Variants in ANKMY2 observed in about 807,000 individuals in gnomAD.
The protein encoded by ANKMY2 is ankyrin repeat and MYND domain containing 2, also known as ankyrin repeat and MYND domain-containing protein 2.
A neutral mutation model predicts 50.4 loss-of-function variants in ANKMY2; 36 were observed. The observed-to-expected ratio is 0.71, with a 90% CI of 0.55 to 0.94. The LOEUF (loss-of-function observed/expected upper bound fraction) is 0.94, where lower values mean the gene tolerates loss of function less well. Ranked by LOEUF, ANKMY2 falls within the 40% of genes least tolerant of loss-of-function variation. The pLI, the probability that ANKMY2 is intolerant of heterozygous loss-of-function variation, is 0.00. For missense variants in ANKMY2, 565 were observed against 524.0 expected (o/e 1.08, Z -0.76); for synonymous variants, 187 against 178.8 (o/e 1.05, Z -0.36).
intron 2 of ANKMY2, among the ~76,000 whole-genome samples, chr7:16,635,284 A>T (rs1781642045): frequency 6.6e-6 from 1 of 152,202 alleles, no homozygotes; most frequent in Non-Finnish European, 1.5e-5. Flanking sequence ...ATTTATATGA[A>T]ATTCTTGGAA....
intron 9 of ANKMY2, 133 bp downstream of exon 9, chr7:16,602,247 A>C (rs1341001415): frequency 9.2e-7 from 1 of 1,092,314 alleles, no homozygotes; most frequent in Non-Finnish European, 1.3e-6. Flanking sequence ...ATTAAAATTT[A>C]AATGTGATTC....
chr7:16,627,369 G>A (rs1027680030), intron 2 of ANKMY2, among the ~76,000 whole-genome samples, 191 bp from the exon 3 acceptor site: 1 of 152,080 alleles, frequency 6.6e-6, no homozygotes, highest in African/African-American at 2.4e-5. Context: ...TTTTATTACT[G>A]GAGATTTTTT....
intron 8 of ANKMY2, among the ~76,000 whole-genome samples, chr7:16,602,914 G>C (rs970530857): frequency 1.3e-5 from 2 of 152,126 alleles, no homozygotes; most frequent in African/African-American, 2.4e-5. Context: ...ATAATTGAAG[G>C]CTTCCTGAGA....
intron 2 of ANKMY2, among the ~76,000 whole-genome samples, chr7:16,628,905 GT>G (rs71549988): frequency 0.011 from 993 of 94,282 alleles, 3 homozygotes; most frequent in Non-Finnish European, 0.012. Context: ...CTGGCCTCTA[GT>G]TTAAACAAAA....
At chr7:16,631,199 T>C (rs1007425287) in intron 2 of ANKMY2, among the ~76,000 whole-genome samples, 1 of 152,246 alleles carries the variant, frequency 6.6e-6, no homozygotes, top group African/African-American at 2.4e-5. Flanking sequence ...TATTCTGTAA[T>C]ATAGTGAATT....
chr7:16,637,943 C>G (rs879738840), intron 1 of ANKMY2, among the ~76,000 whole-genome samples: 1 of 152,226 alleles, frequency 6.6e-6, no homozygotes, highest in Non-Finnish European at 1.5e-5. Flanking sequence ...AAACATTTGG[C>G]TCTCATTAGA....
chr7:16,636,328 A>AAG, intron 2 of ANKMY2, 63 bp downstream of exon 2: 1 of 894,914 alleles, frequency 1.1e-6, no homozygotes, highest in Non-Finnish European at 1.6e-6. Flanking sequence ...AAAAAAAAAA[A>AAG]AAAGGATATA....
intron 1 of ANKMY2, among the ~76,000 whole-genome samples, chr7:16,639,473 C>T (rs1370914086): frequency 1.3e-5 from 2 of 152,006 alleles, no homozygotes; most frequent in Non-Finnish European, 2.9e-5. Flanking sequence ...ACTGCTCAAA[C>T]CAAAGAAGAA....
chr7:16,622,534 C>T (rs1583677327), intron 4 of ANKMY2, among the ~76,000 whole-genome samples: 1 of 152,100 alleles, frequency 6.6e-6, no homozygotes, highest in African/African-American at 2.4e-5. Flanking sequence ...GTCAGGAGTT[C>T]AAGACCAGCC....
intron 2 of ANKMY2, among the ~76,000 whole-genome samples, chr7:16,628,251 ATAATG>A (rs1387859406): frequency 6.6e-6 from 1 of 152,200 alleles, no homozygotes; most frequent in Non-Finnish European, 1.5e-5. Flanking sequence ...GAATGCTAAC[ATAATG>A]TAAATTATTC....
intron 4 of ANKMY2, among the ~76,000 whole-genome samples, chr7:16,622,810 G>C (rs62443211): frequency 0.18 from 26,799 of 151,792 alleles, 2,649 homozygotes; most frequent in Middle Eastern, 0.26. Flanking sequence ...TATATCCTTT[G>C]TCTCAGCAAT....
At position 16,605,744 on chromosome 7, in the gene ANKMY2, G is replaced by T. The variant is rs1020536752; in HGVS notation, c.883-895C>A. ...GTCGCCCAGGCTAGAGTGCAGTGGT[G>T]TGATCTCTGCTCACTGCAAGCTTTG... On this transcript the variant is annotated intron_variant, in intron 7 of 9. Transcript: ENST00000306999. Among the ~76,000 whole-genome samples the T allele has an allele frequency of 9.7e-4, 133 of 137,742 alleles. 1 individual carries two copies. The highest frequency in any genetic ancestry group is 3.7e-3 in the African/African-American group (132 of 35,926). 90.4% of individuals were successfully genotyped at this position (137,742 alleles called of 152,430 possible).
intron 1 of ANKMY2, among the ~76,000 whole-genome samples, chr7:16,644,056 G>T (rs1428705988): frequency 6.6e-6 from 1 of 152,118 alleles, no homozygotes; most frequent in Non-Finnish European, 1.5e-5. Flanking sequence ...ACATGTACTA[G>T]CTCTGTCCTG....
chr7:16,632,286 T>G (rs889425019), intron 2 of ANKMY2, among the ~76,000 whole-genome samples: 4 of 152,208 alleles, frequency 2.6e-5, no homozygotes, highest in African/African-American at 9.7e-5. Context: ...AATTAATTTG[T>G]ACAAATAAAT....
chr7:16,642,121 GA>G (rs925921041), intron 1 of ANKMY2, among the ~76,000 whole-genome samples: 187 of 141,912 alleles, frequency 1.3e-3, no homozygotes, highest in East Asian at 6.6e-3. Context: ...ACACAGATAT[GA>G]AAAAAAAAAA....
intron 2 of ANKMY2, among the ~76,000 whole-genome samples, chr7:16,634,561 G>C (rs1781630686): frequency 6.6e-6 from 1 of 152,242 alleles, no homozygotes; most frequent in African/African-American, 2.4e-5. Context: ...GGTTTCTTCA[G>C]AGTGTTTGGC....
rs1313845186 is a variant in ANKMY2, at chr7:16,602,401, C to G, written c.1120G>C (p.Glu374Gln). 5 of 1,613,294 alleles carry G rather than the reference C, an allele frequency of 3.1e-6. No individual in the cohort carries two copies. The highest frequency in any genetic ancestry group is 3.4e-6 in the Non-Finnish European group (4 of 1,179,848). Residue 374 changes from glutamate to glutamine, a missense_variant, in exon 9 of 10, where the codon GAA becomes CAA. Transcript: ENST00000306999. The part of the protein sequence containing the change: ...YEKQQLEAAK[E>Q]KRQEENHGKL... ...ATACGGTTTTCCTCTTGTCTCTTTTCTTTGGCAGCCTCCAACTGTTGCTTT... is the reference window on the plus strand; with the variant it reads ...ATACGGTTTTCCTCTTGTCTCTTTTGTTTGGCAGCCTCCAACTGTTGCTTT...
At chr7:16,622,750 G>GAATAAATAAATA (rs146183196) in intron 4 of ANKMY2, among the ~76,000 whole-genome samples, 1 of 133,504 alleles carries the variant, frequency 7.5e-6, no homozygotes, top group African/African-American at 2.7e-5. Context: ...AAAAATAAAT[G>GAATAAATAAATA]AATAAATAAA....
intron 4 of ANKMY2, among the ~76,000 whole-genome samples, chr7:16,618,041 A>C (rs62443201): frequency 0.53 from 79,633 of 149,968 alleles, 22,007 homozygotes; most frequent in Non-Finnish European, 0.61. Flanking sequence ...AATTCTCCTG[A>C]CTCAGCTTCC....
Sources: gnomAD v4.1 joint callset for allele counts (sites outside exome capture counted in the v4.1 genomes callset) on GRCh38, gnomAD v4.1.1 for gene constraint, MANE v1.5 for transcripts, NCBI Gene and HGNC (gene_info 2026-07-23, HGNC 2026-07-21) for gene names.